The following DNAJC1 variants were observed in gnomAD, a reference collection of about 807,000 sequenced individuals.
DNAJC1 encodes the protein DnaJ heat shock protein family (Hsp40) member C1.
In DNAJC1, 58 loss-of-function variants were observed where a neutral mutation model predicts 76.6. The ratio of observed to expected loss-of-function variants is 0.76; its 90% CI spans 0.61 to 0.94. The LOEUF is 0.94. Among genes scored for constraint, DNAJC1 ranks in the 40% least tolerant of loss-of-function variants. The pLI is 0.00. For synonymous variants in DNAJC1, 258 were observed against 267.9 expected, an observed-to-expected ratio of 0.96 and a Z score of 0.36; for missense variants, 689 against 677.3, an observed-to-expected ratio of 1.02 and a Z score of -0.19.
intron 1 of DNAJC1, among the ~76,000 whole-genome samples, chr10:21,991,826 G>A (rs891870217): frequency 6.6e-6 from 1 of 152,112 alleles, no homozygotes; most frequent in Non-Finnish European, 1.5e-5. Context: ...TGAGTTACTG[G>A]AAAGTTTTGC....
chr10:21,813,549 T>A (rs754841374), intron 8 of DNAJC1, among the ~76,000 whole-genome samples: 1 of 151,818 alleles, frequency 6.6e-6, no homozygotes, highest in Non-Finnish European at 1.5e-5. Flanking sequence ...GCGCCCACCA[T>A]CACGCCCAGC....
In DNAJC1 at chr10:21,908,035, T is replaced by TAC. The variant is rs1346895029; in HGVS notation, c.730-3424_730-3423insGT. ...TATAATAATATATATAAATATATAATATAATATAATATATAAATATATATA... is the reference window on the plus strand; with the variant it reads ...TATAATAATATATATAAATATATAATACATAATATAATATATAAATATATATA... On this transcript the variant is annotated intron_variant, in intron 6 of 11. Transcript: ENST00000376980. Among the ~76,000 whole-genome samples the TAC allele has an allele frequency of 1.6e-4, 18 of 113,110 alleles. 3 individuals carry two copies. Among genetic ancestry groups the TAC allele is most frequent in the African/African-American group, 5.9e-4 (17 of 28,622 alleles). 74.2% of individuals were successfully genotyped at this position (113,110 alleles called of 152,430 possible). A position where few individuals can be genotyped will look rare whatever the true frequency, so the allele number is the denominator to read the frequency against.
chr10:21,794,450 A>C (rs939739021), intron 9 of DNAJC1, among the ~76,000 whole-genome samples: 1 of 152,162 alleles, frequency 6.6e-6, no homozygotes, highest in African/African-American at 2.4e-5. Context: ...TTGAACATTC[A>C]AAATTGTTAA....
chr10:21,973,466 A>T (rs1292918483), intron 1 of DNAJC1, among the ~76,000 whole-genome samples: 1 of 152,228 alleles, frequency 6.6e-6, no homozygotes, highest in Non-Finnish European at 1.5e-5. Context: ...TTGTGATCCT[A>T]GCAAAGGGAT....
intron 7 of DNAJC1, among the ~76,000 whole-genome samples, chr10:21,897,401 T>A (rs924269304): frequency 6.6e-6 from 1 of 152,148 alleles, no homozygotes; most frequent in African/African-American, 2.4e-5. Flanking sequence ...CACCCCGTCA[T>A]GATTTTAAAA....
chr10:21,876,578 T>C (rs916221936), intron 8 of DNAJC1, among the ~76,000 whole-genome samples: 8 of 152,190 alleles, frequency 5.3e-5, no homozygotes, highest in African/African-American at 1.9e-4. Flanking sequence ...TAAACATTTA[T>C]ATGAAAATGT....
At chr10:21,827,089 G>A (rs192714760) in intron 8 of DNAJC1, among the ~76,000 whole-genome samples, 11 of 151,996 alleles carry the variant, frequency 7.2e-5, no homozygotes, top group South Asian at 4.2e-4. Flanking sequence ...AACATAAGAC[G>A]GTTTTCCATT....
intron 1 of DNAJC1, among the ~76,000 whole-genome samples, chr10:21,962,564 C>T (rs1472441491): frequency 2.1e-5 from 3 of 145,020 alleles, no homozygotes; most frequent in Non-Finnish European, 4.5e-5. Context: ...ACCTCCTGGG[C>T]TCAAATGATC....
At chr10:21,874,887 T>G (rs952991833) in intron 8 of DNAJC1, among the ~76,000 whole-genome samples, 38 of 151,966 alleles carry the variant, frequency 2.5e-4, no homozygotes, top group East Asian at 9.7e-4. Context: ...TTTTGTTTTT[T>G]TGTGTGTGTG....
Position 21,813,220 on chromosome 10 carries a change from C to CTATATATA in DNAJC1, c.979-7129_979-7122dup, listed in dbSNP as rs777283982. On this transcript the variant is annotated intron_variant, in intron 8 of 11. Transcript: ENST00000376980. ...TCTCTCTCTCTCTCTCTCTCTCTCT[C>CTATATATA]TATATATATATATATATATATATAC... Among the ~76,000 whole-genome samples, 112 of 19,062 alleles carry CTATATATA rather than the reference C, an allele frequency of 5.9e-3. 6 individuals carry two copies. The highest frequency in any genetic ancestry group is 0.042 in the Middle Eastern group (1 of 24). 12.5% of individuals were successfully genotyped at this position (19,062 alleles called of 152,430 possible).
intron 7 of DNAJC1, among the ~76,000 whole-genome samples, chr10:21,885,190 A>G (rs976849719): frequency 3.3e-5 from 5 of 152,176 alleles, no homozygotes; most frequent in Non-Finnish European, 7.4e-5. Flanking sequence ...AGCAAATGGA[A>G]AACAGAAAAA....
intron 8 of DNAJC1, among the ~76,000 whole-genome samples, chr10:21,873,967 C>T (rs1836145666): frequency 6.6e-6 from 1 of 152,096 alleles, no homozygotes; most frequent in African/African-American, 2.4e-5. Context: ...ATTGTAATCC[C>T]TAGAGAAACC....
At chr10:21,977,044 G>C (rs1838077776) in intron 1 of DNAJC1, among the ~76,000 whole-genome samples, 2 of 152,094 alleles carry the variant, frequency 1.3e-5, no homozygotes, top group African/African-American at 4.8e-5. Flanking sequence ...TCTCCAATTT[G>C]CTCTCATCAA....
intron 8 of DNAJC1, among the ~76,000 whole-genome samples, chr10:21,832,203 C>T (rs1835368748): frequency 6.6e-6 from 1 of 152,188 alleles, no homozygotes; most frequent in South Asian, 2.1e-4. Flanking sequence ...CAACATTCCA[C>T]TTTTTCATGT....
intron 1 of DNAJC1, among the ~76,000 whole-genome samples, chr10:22,002,837 G>C (rs1838543195): frequency 6.6e-6 from 1 of 151,006 alleles, no homozygotes; most frequent in Admixed American, 6.6e-5. Flanking sequence ...GGGACAGGAA[G>C]GCAAAAGGTA....
intron 9 of DNAJC1, among the ~76,000 whole-genome samples, chr10:21,776,388 C>A (rs982274611): frequency 6.6e-6 from 1 of 152,042 alleles, no homozygotes; most frequent in East Asian, 1.9e-4. Context: ...CAAATTCTGG[C>A]TGTCAGTGAT....
intron 9 of DNAJC1, among the ~76,000 whole-genome samples, chr10:21,772,063 C>A (rs1834384472): frequency 1.3e-5 from 2 of 152,194 alleles, no homozygotes; most frequent in Non-Finnish European, 1.5e-5. Flanking sequence ...TCCTGAGGAG[C>A]TGCAACTACA....
chr10:21,984,842 A>C (rs900143812), intron 1 of DNAJC1, among the ~76,000 whole-genome samples: 8 of 152,212 alleles, frequency 5.3e-5, no homozygotes, highest in Admixed American at 5.2e-4. Context: ...TTCTGACAGC[A>C]TAGATGCAAC....
intron 8 of DNAJC1, among the ~76,000 whole-genome samples, chr10:21,851,882 A>C (rs918284199): frequency 6.6e-6 from 1 of 151,776 alleles, no homozygotes; most frequent in Non-Finnish European, 1.5e-5. Flanking sequence ...GTGAAACCCC[A>C]TCTCTACTAA....
Sources: allele counts gnomAD v4.1 joint callset (sites outside exome capture counted in the v4.1 genomes callset), GRCh38; gene constraint gnomAD v4.1.1; transcripts MANE v1.5; gene names NCBI Gene and HGNC (gene_info 2026-07-23, HGNC 2026-07-21).